The following SLAIN1 variants were observed in gnomAD, a reference collection of about 807,000 sequenced individuals.
SLAIN1 encodes SLAIN motif-containing protein 1.
Under a neutral mutation model 55.4 loss-of-function variants are expected in SLAIN1, and 17 were observed. That is an observed-to-expected ratio of 0.31 (90% CI 0.21 to 0.46). The LOEUF (loss-of-function observed/expected upper bound fraction) is 0.46, where lower values mean the gene tolerates loss of function less well. Ranked by LOEUF, SLAIN1 falls within the 20% of genes least tolerant of loss-of-function variation. SLAIN1 has a pLI of 1.00. For synonymous variants in SLAIN1, 348 were observed against 337.4 expected, an observed-to-expected ratio of 1.03 and a Z score of -0.35; for missense variants, 682 against 785.1, an observed-to-expected ratio of 0.87 and a Z score of 1.57.
chr13:77,705,844 T>C (rs1034886672), intron 1 of SLAIN1, among the ~76,000 whole-genome samples: 1 of 152,002 alleles, frequency 6.6e-6, no homozygotes, highest in Non-Finnish European at 1.5e-5. Context: ...TTCAGGGTTA[T>C]TGTGGGCTTT....
Position 77,697,885 on chromosome 13 carries a change from C to G in SLAIN1, c.-29C>G, listed in dbSNP as rs1390595281. 1 of 1,325,756 alleles carries G rather than the reference C, an allele frequency of 7.5e-7. No homozygotes were observed. The highest frequency in any genetic ancestry group is 9.7e-7 in the Non-Finnish European group (1 of 1,034,434). 82.1% of individuals were successfully genotyped at this position (1,325,756 alleles called of 1,614,324 possible). A position where few individuals can be genotyped will look rare whatever the true frequency, so the allele number is the denominator to read the frequency against. On this transcript the variant is annotated 5_prime_UTR_variant, in exon 1 of 7. Coordinates refer to ENST00000418532, the MANE Select transcript of SLAIN1 (RefSeq NM_001242868.2). The stretch of plus-strand genomic sequence containing the variant: ...AGCCGGCGCGGCGGCGCGCACTCCC[C>G]GGCGGCCGCGGCGCCCTCGGGGCCC...
chr13:77,714,828 C>G (rs1003628036), intron 1 of SLAIN1, among the ~76,000 whole-genome samples: 7 of 152,020 alleles, frequency 4.6e-5, no homozygotes, highest in African/African-American at 1.7e-4. Flanking sequence ...CCCTTGTTTT[C>G]CTTATTCTTT....
chr13:77,705,426 T>C (rs2154409301), intron 1 of SLAIN1, among the ~76,000 whole-genome samples: 1 of 152,030 alleles, frequency 6.6e-6, no homozygotes, highest in South Asian at 2.1e-4. Context: ...ATTCTGAAAA[T>C]TTAGATTAAG....
At chr13:77,712,693 T>G (rs1279383) in intron 1 of SLAIN1, among the ~76,000 whole-genome samples, 60,423 of 152,000 alleles carry the variant, frequency 0.4, 13,183 homozygotes, top group African/African-American at 0.58. Flanking sequence ...TTTCTTCACA[T>G]AATTAGAAAA....
chr13:77,736,591 C>G (rs1873131423), intron 2 of SLAIN1, among the ~76,000 whole-genome samples: 1 of 152,046 alleles, frequency 6.6e-6, no homozygotes, highest in Non-Finnish European at 1.5e-5. Flanking sequence ...CCAAATCTCT[C>G]TTCAAAGACT....
chr13:77,741,199 C>T (rs1873412138), intron 2 of SLAIN1: 1 of 985,656 alleles, frequency 1.0e-6, no homozygotes, highest in Admixed American at 6.2e-5. Flanking sequence ...TATAAAATAA[C>T]ATCATCTGTT....
intron 2 of SLAIN1, among the ~76,000 whole-genome samples, chr13:77,734,866 A>G (rs1013207851): frequency 1.3e-5 from 2 of 151,978 alleles, no homozygotes; most frequent in Non-Finnish European, 2.9e-5. Context: ...CTAAAAATAC[A>G]TAAAACAGCC....
intron 2 of SLAIN1, among the ~76,000 whole-genome samples, chr13:77,722,156 T>A (rs1285808211): frequency 1.3e-5 from 2 of 151,942 alleles, no homozygotes; most frequent in African/African-American, 4.8e-5. Context: ...TTGTTCATGA[T>A]GTAATTTATT....
At chr13:77,722,261 G>A (rs533417524) in intron 2 of SLAIN1, among the ~76,000 whole-genome samples, 1 of 152,194 alleles carries the variant, frequency 6.6e-6, no homozygotes, top group African/African-American at 2.4e-5. Flanking sequence ...CTTTTGCTGT[G>A]ACACTAAATG....
At chr13:77,699,030 G>T (rs1264191585) in intron 1 of SLAIN1, 4 of 1,535,288 alleles carry the variant, frequency 2.6e-6, no homozygotes, top group Non-Finnish European at 3.5e-6. Flanking sequence ...CGGAAGCCGC[G>T]CAGTGATGGA....
chr13:77,707,196 A>G (rs573968948), intron 1 of SLAIN1, among the ~76,000 whole-genome samples: 1 of 151,338 alleles, frequency 6.6e-6, no homozygotes, highest in Non-Finnish European at 1.5e-5. Context: ...TGATTTTCTT[A>G]TCTGTCTTAT....
chr13:77,706,475 A>G (rs528787574), intron 1 of SLAIN1, among the ~76,000 whole-genome samples: 2 of 152,250 alleles, frequency 1.3e-5, no homozygotes, highest in Admixed American at 1.3e-4. Flanking sequence ...CATTAAGGTC[A>G]TACACATTTG....
rs972354726 is a variant in SLAIN1 at position 77,697,902 on chromosome 13, T to A, written c.-12T>A. Reference sequence around the variant, plus strand: ...GCACTCCCCGGCGGCCGCGGCGCCCTCGGGGCCCACGATGATGGCGGAGCA... The same window carrying A: ...GCACTCCCCGGCGGCCGCGGCGCCCACGGGGCCCACGATGATGGCGGAGCA... On this transcript the variant is annotated 5_prime_UTR_variant, in exon 1 of 7. Transcript: ENST00000418532. 1 of 1,363,604 alleles carries A rather than the reference T, an allele frequency of 7.3e-7. No homozygotes were observed. The highest frequency in any genetic ancestry group is 9.5e-7 in the Non-Finnish European group (1 of 1,049,864). The allele number at this position is 1,363,604 out of a possible 1,614,324, so 84.5% of individuals were successfully genotyped here. A position where few individuals can be genotyped will look rare whatever the true frequency, so the allele number is the denominator to read the frequency against.
chr13:77,705,192 C>T (rs1187826035), intron 1 of SLAIN1, among the ~76,000 whole-genome samples: 2 of 151,642 alleles, frequency 1.3e-5, no homozygotes, highest in African/African-American at 4.8e-5. Context: ...GTTTTCCAGA[C>T]AGTTGTCATA....
At chr13:77,704,076 A>G (rs2091063018) in intron 1 of SLAIN1, among the ~76,000 whole-genome samples, 2 of 128,316 alleles carry the variant, frequency 1.6e-5, no homozygotes, top group Non-Finnish European at 3.2e-5. Context: ...CATAGAAAAT[A>G]TATATACATA....
At chr13:77,714,382 C>T (rs1281851738) in intron 1 of SLAIN1, among the ~76,000 whole-genome samples, 2 of 152,040 alleles carry the variant, frequency 1.3e-5, no homozygotes, top group African/African-American at 4.8e-5. Flanking sequence ...GAGGCTAAGG[C>T]AGGAAGATCA....
At position 77,746,556 on chromosome 13, in the gene SLAIN1, G is replaced by T. The variant is rs1384909839; in HGVS notation, c.959G>T (p.Arg320Ile). ...DYASTSASVS[R>I]HSSSVSLSSG... ...GCTTCTACTTCAGCATCTGTATCAAGACATAGTTCCAGTGTGTCATTGAGT... is the reference window on the plus strand; with the variant it reads ...GCTTCTACTTCAGCATCTGTATCAATACATAGTTCCAGTGTGTCATTGAGT... Residue 320 changes from arginine to isoleucine, a missense_variant, in exon 4 of 7, where the codon AGA becomes ATA. Arg to Ile is a moderately conservative substitution (Grantham distance 97). Transcript: ENST00000418532. The T allele has an allele frequency of 6.2e-7, 1 of 1,612,614 alleles. No homozygotes were observed. The highest frequency in any genetic ancestry group is 8.5e-7 in the Non-Finnish European group (1 of 1,179,088).
intron 4 of SLAIN1, among the ~76,000 whole-genome samples, chr13:77,747,355 C>T (rs1224880064): frequency 2.0e-5 from 3 of 152,088 alleles, no homozygotes; most frequent in Admixed American, 6.6e-5. Flanking sequence ...CTTCTGATTA[C>T]GTGTCCCAGA....
rs187848186 is a variant in SLAIN1 at position 77,743,304 on chromosome 13, C to T, written c.767-979C>T. ...TTGTGCTGCACACTTACTTTGGGTACAAAAGGCCTAGCACTAATTTGTACT... is the reference window on the plus strand; with the variant it reads ...TTGTGCTGCACACTTACTTTGGGTATAAAAGGCCTAGCACTAATTTGTACT... On this transcript the variant is annotated intron_variant, in intron 2 of 6. Coordinates refer to ENST00000418532, the MANE Select transcript of SLAIN1 (RefSeq NM_001242868.2). The T allele has an allele frequency of 1.3e-4, 73 of 581,146 alleles. No individual in the cohort carries two copies. In the African/African-American group the frequency reaches 1.4e-3, roughly 11 times the overall value. 36.0% of individuals were successfully genotyped at this position (581,146 alleles called of 1,614,324 possible).
Sources: allele counts gnomAD v4.1 joint callset (sites outside exome capture counted in the v4.1 genomes callset), GRCh38; gene constraint gnomAD v4.1.1; transcripts MANE v1.5; gene names NCBI Gene and HGNC (gene_info 2026-07-23, HGNC 2026-07-21).